CCDC50: variants seen among roughly 807,000 people sequenced by gnomAD.
CCDC50 encodes the protein coiled-coil domain-containing protein 50.
A neutral mutation model predicts 70.2 loss-of-function variants in CCDC50; 54 were observed. That is an observed-to-expected ratio of 0.77 (90% confidence interval 0.62 to 0.96). CCDC50 has a LOEUF of 0.96. CCDC50 is among the 50% of genes least tolerant of loss of function. The probability of loss-of-function intolerance (pLI) is 0.00; values close to 1 mark genes in which losing one functional copy is unlikely to be tolerated. For synonymous variants in CCDC50, 216 were observed against 198.8 expected, an observed-to-expected ratio of 1.09 and a Z score of -0.73; for missense variants, 558 against 578.7, an observed-to-expected ratio of 0.96 and a Z score of 0.37.
rs1300527915 is a variant in CCDC50, at chr3:191,350,342, C to A, written c.50-6746C>A. Among the ~76,000 whole-genome samples, 3 of 141,756 alleles carry A rather than the reference C, an allele frequency of 2.1e-5. 1 individual carries two copies. The highest frequency in any genetic ancestry group is 3.2e-5 in the Non-Finnish European group (2 of 62,976). The allele number at this position is 141,756 out of a possible 152,430, so 93.0% of individuals were successfully genotyped here. On this transcript the variant is annotated intron_variant, in intron 1 of 11. Transcript: ENST00000392455. ...GCAAGCATAATCCCTGCTTTCAAAGCAGAGTATATAGTCCCTCTGCTACTC... is the reference window on the plus strand; with the variant it reads ...GCAAGCATAATCCCTGCTTTCAAAGAAGAGTATATAGTCCCTCTGCTACTC...
chr3:191,369,958 G>T lies in CCDC50; in HGVS notation c.370G>T (p.Glu124Ter). The change falls in exon 5 of 12, where the codon GAG becomes TAG. Residue 124 changes from glutamate to a stop codon, truncating the protein, a stop_gained. Coordinates refer to ENST00000392455, the MANE Select transcript of CCDC50 (RefSeq NM_178335.3). LOFTEE classifies it high-confidence loss of function. ...RLLQEKELQE[E>*]KKRKKHFPEF... ...TTTGCAAGAAAAGGAGTTACAGGAA[G>T]AGAAAAAGAGAAAGAAACACTTTCC... 1 of 1,613,434 alleles carries T rather than the reference G, an allele frequency of 6.2e-7. No individual in the cohort carries two copies. The highest frequency in any genetic ancestry group is 1.1e-5 in the South Asian group (1 of 91,050).
At chr3:191,380,479 A>T (rs773877043) in intron 7 of CCDC50, among the ~76,000 whole-genome samples, 1 of 152,022 alleles carries the variant, frequency 6.6e-6, no homozygotes, top group African/African-American at 2.4e-5. Flanking sequence ...CCATTTCTCC[A>T]TCTCCATGAT....
chr3:191,375,422 G>A lies in CCDC50; in HGVS notation c.809G>A (p.Arg270Gln), dbSNP rs1467185839. 6.2e-7 allele frequency: 1 copy of A among 1,613,746 alleles called. No homozygotes were observed. The highest frequency in any genetic ancestry group is 8.5e-7 in the Non-Finnish European group (1 of 1,179,850). ...ACTCGAAATTGGGAAAAACAGTCTC[G>A]ACACCAAGATCGACTTTCACCCAAG... ...HQTRNWEKQS[R>Q]HQDRLSPKSS... is the part of the protein sequence containing the mutation. Residue 270 changes from arginine to glutamine, a missense_variant, in exon 6 of 12, where the codon CGA (arginine) becomes CAA (glutamine). Transcript: ENST00000392455.
chr3:191,370,781 G>A (rs546200816), intron 5 of CCDC50, among the ~76,000 whole-genome samples: 4 of 152,184 alleles, frequency 2.6e-5, no homozygotes, highest in African/African-American at 4.8e-5. Flanking sequence ...GAGCCACCGC[G>A]CCCGGCCTTA....
rs1285968079 is a variant in CCDC50, at chr3:191,358,272, T to G, written c.239+148T>G. The G allele has an allele frequency of 1.4e-5, 15 of 1,086,366 alleles. No homozygotes were observed. The Middle Eastern group carries it at 9.3e-4, about 67-fold the overall frequency. The allele number at this position is 1,086,366 out of a possible 1,614,324, so 67.3% of individuals were successfully genotyped here. On this transcript the variant is annotated intron_variant, in intron 3 of 11. Coordinates refer to ENST00000392455, the MANE Select transcript of CCDC50 (RefSeq NM_178335.3). ...ATCTTACCCTGGATGTCTAACAGTT[T>G]TTTTGATTTGAAAATGTTTTGTTTT...
At chr3:191,364,910 T>A (rs1361863978) in intron 4 of CCDC50, among the ~76,000 whole-genome samples, 1 of 152,184 alleles carries the variant, frequency 6.6e-6, no homozygotes, top group African/African-American at 2.4e-5. Flanking sequence ...TTTACATAGT[T>A]TCTCGAATAT....
chr3:191,339,635 A>G (rs1711654824), intron 1 of CCDC50, among the ~76,000 whole-genome samples: 1 of 152,200 alleles, frequency 6.6e-6, no homozygotes. Flanking sequence ...GATCTTCAAG[A>G]AGCTTTCTGA....
chr3:191,342,764 A>G (rs192164164), intron 1 of CCDC50, among the ~76,000 whole-genome samples: 160 of 152,368 alleles, frequency 1.1e-3, no homozygotes, highest in African/African-American at 3.6e-3. Context: ...TTAGGGATAC[A>G]TGGAATAAAA....
At chr3:191,375,624 T>C (rs1329965865) in intron 6 of CCDC50, 35 bp downstream of exon 6, 1 of 1,601,414 alleles carries the variant, frequency 6.2e-7, no homozygotes, top group Non-Finnish European at 8.5e-7. Flanking sequence ...AGTCCTGGTA[T>C]CATGTATATA....
intron 5 of CCDC50, among the ~76,000 whole-genome samples, chr3:191,371,507 C>A (rs1374807494): frequency 6.6e-6 from 1 of 152,082 alleles, no homozygotes; most frequent in Non-Finnish European, 1.5e-5. Flanking sequence ...TCCTGAAGGG[C>A]CTTGCAAACC....
intron 1 of CCDC50, among the ~76,000 whole-genome samples, chr3:191,354,135 A>G (rs1712196926): frequency 6.6e-6 from 1 of 152,208 alleles, no homozygotes; most frequent in African/African-American, 2.4e-5. Context: ...AGAACTTAAA[A>G]TGTAATATGT....
intron 5 of CCDC50, 73 bp from the exon 6 acceptor site, chr3:191,374,988 CT>C (rs1713043982): frequency 3.4e-6 from 5 of 1,456,780 alleles, no homozygotes; most frequent in Admixed American, 1.7e-5. Flanking sequence ...AGACTCCCCC[CT>C]GTGTAGTGAG....
At chr3:191,345,413 C>G (rs1381131865) in intron 1 of CCDC50, among the ~76,000 whole-genome samples, 1 of 152,166 alleles carries the variant, frequency 6.6e-6, no homozygotes, top group Non-Finnish European at 1.5e-5. Flanking sequence ...GTAAAGACTG[C>G]TCTGTTTCTA....
rs1010745806 is a variant in CCDC50, at chr3:191,341,990, C to T, written c.49+12267C>T. Among the ~76,000 whole-genome samples, 5 of 152,174 alleles carry T rather than the reference C, an allele frequency of 3.3e-5. No homozygotes were observed. The East Asian group carries it at 5.8e-4, about 18-fold the overall frequency. On this transcript the variant is annotated intron_variant, in intron 1 of 11. Coordinates refer to ENST00000392455, the MANE Select transcript of CCDC50 (RefSeq NM_178335.3). The stretch of plus-strand genomic sequence containing the variant: ...TCCTGATCTTCTGTGGAAGTATCCT[C>T]CTAGGTTGTATAAAACTGATTTGAT...
At chr3:191,345,161 G>A (rs529179736) in intron 1 of CCDC50, among the ~76,000 whole-genome samples, 1 of 152,184 alleles carries the variant, frequency 6.6e-6, no homozygotes, top group Non-Finnish European at 1.5e-5. Flanking sequence ...ACCTGCATCA[G>A]CATCTTCTAA....
rs34031057 is a variant in CCDC50 at position 191,380,139 on chromosome 3, GTTTT to G, written c.977-8_977-5del. 8.5e-7 allele frequency: 1 copy of G among 1,182,922 alleles called. No individual in the cohort carries two copies. Among genetic ancestry groups the G allele is most frequent in the Non-Finnish European group, 1.2e-6 (1 of 823,356 alleles). The allele number at this position is 1,182,922 out of a possible 1,614,324, so 73.3% of individuals were successfully genotyped here. On this transcript the variant is annotated splice_polypyrimidine_tract_variant and intron_variant, in intron 6 of 11. Coordinates refer to ENST00000392455, the MANE Select transcript of CCDC50 (RefSeq NM_178335.3). ...ATCCTCGGTTGTTTTATTACATTGAGTTTTTTTTTTTTTTTAAAGGAATGAAGCC... is the reference window on the plus strand; with the variant it reads ...ATCCTCGGTTGTTTTATTACATTGAGTTTTTTTTTTTAAAGGAATGAAGCC...
At chr3:191,360,292 C>A (rs1212603479) in intron 3 of CCDC50, among the ~76,000 whole-genome samples, 1 of 152,208 alleles carries the variant, frequency 6.6e-6, no homozygotes, top group Non-Finnish European at 1.5e-5. Context: ...TCAGATGAAG[C>A]TTCACTTATT....
intron 5 of CCDC50, among the ~76,000 whole-genome samples, chr3:191,371,813 T>C (rs1262094934): frequency 6.6e-6 from 1 of 152,204 alleles, no homozygotes; most frequent in Non-Finnish European, 1.5e-5. Flanking sequence ...CTATATGTTA[T>C]GTCATTTAAA....
At position 191,360,747 on chromosome 3, in the gene CCDC50, G is replaced by A. The variant is rs1385966808; in HGVS notation, c.240-322G>A. 3.9e-5 allele frequency among the ~76,000 whole-genome samples: 6 copies of A among 152,310 alleles called. No homozygotes were observed. The South Asian group carries it at 8.3e-4, about 21-fold the overall frequency. On this transcript the variant is annotated intron_variant, in intron 3 of 11. Coordinates refer to ENST00000392455, the MANE Select transcript of CCDC50 (RefSeq NM_178335.3). ...GGTTATTAGTGGTAGAGGCAGGACCGTCAAACAGGCCCCAGTGGGGTGAAG... is the reference window on the plus strand; with the variant it reads ...GGTTATTAGTGGTAGAGGCAGGACCATCAAACAGGCCCCAGTGGGGTGAAG...
Sources: allele counts gnomAD v4.1 joint callset (sites outside exome capture counted in the v4.1 genomes callset), GRCh38; gene constraint gnomAD v4.1.1; transcripts MANE v1.5; gene names NCBI Gene and HGNC (gene_info 2026-07-23, HGNC 2026-07-21).